Variants in DHX36 observed in about 807,000 individuals in gnomAD.
The protein encoded by DHX36 is DEAH-box helicase 36.
Under a neutral mutation model 139.0 loss-of-function variants are expected in DHX36, and 50 were observed. The observed-to-expected ratio is 0.36, with a 90% CI of 0.29 to 0.46. The LOEUF (loss-of-function observed/expected upper bound fraction) is 0.46. Ranked by LOEUF, DHX36 falls within the 20% of genes least tolerant of loss-of-function variation. The pLI, the probability that DHX36 is intolerant of heterozygous loss-of-function variation, is 1.00. For missense variants in DHX36, 1,024 were observed against 1,211.3 expected (o/e 0.85, Z 2.29); for synonymous variants, 425 against 401.9 (o/e 1.06, Z -0.69).
At chr3:154,295,554 A>G (rs77533470) in intron 12 of DHX36, among the ~76,000 whole-genome samples, 3,568 of 152,310 alleles carry the variant, frequency 0.023, 60 homozygotes, top group Middle Eastern at 0.041. Flanking sequence ...TTCTACATAC[A>G]AACAGACCAA....
In DHX36 at chr3:154,288,773, A is replaced by G. The variant is rs570770741; in HGVS notation, c.2031+93T>C. ...ATTTGGCATTGGACATTATTGGTCT[A>G]CTTTGCAGTAATGAGAGTAAACATT... On this transcript the variant is annotated intron_variant, in intron 17 of 24. Transcript: ENST00000496811. The G allele has an allele frequency of 1.1e-5, 7 of 610,372 alleles. No individual in the cohort carries two copies. The Admixed American group carries it at 1.5e-4, about 14-fold the overall frequency. The allele number at this position is 610,372 out of a possible 1,614,324, so 37.8% of individuals were successfully genotyped here.
intron 16 of DHX36, 100 bp downstream of exon 16, chr3:154,289,606 TTAA>T: frequency 1.4e-6 from 1 of 713,754 alleles, no homozygotes; most frequent in Non-Finnish European, 2.4e-6. Context: ...AAATTGTGAG[TTAA>T]TAATTGTTTC....
rs1576859010 is a variant in DHX36 at position 154,285,876 on chromosome 3, T to C, written c.2032-889A>G. Among the ~76,000 whole-genome samples, 4 of 151,982 alleles carry C rather than the reference T, an allele frequency of 2.6e-5. No individual in the cohort carries two copies. In the South Asian group the frequency reaches 8.3e-4, roughly 32 times the overall value. On this transcript the variant is annotated intron_variant, in intron 17 of 24. Coordinates refer to ENST00000496811, the MANE Select transcript of DHX36 (RefSeq NM_020865.3). ...AAACCCTCAACTTGTTTTCTGAACC[T>C]AGAATAGCTTGATATCTAAATCTTA... is the stretch of plus-strand genomic sequence containing the variant.
At position 154,315,098 on chromosome 3, in the gene DHX36, A is replaced by T; in HGVS notation, c.551T>A (p.Leu184Ter). 4 of 1,612,368 alleles carry T rather than the reference A, an allele frequency of 2.5e-6. No homozygotes were observed. Among genetic ancestry groups the T allele is most frequent in the Non-Finnish European group, 3.4e-6 (4 of 1,179,382 alleles). ...TTTTTTCTTTTGTAAATCTTCCAAT[A>T]ATTTTTGGTCTAAAGTTCCATCTGG... ...NEPDGTLDQK[L>*]LEDLQKKKND... The change falls in exon 3 of 25, where the codon TTA (leucine) becomes TAA (stop). Residue 184 changes from leucine to a stop codon, truncating the protein, a stop_gained. Transcript: ENST00000496811. LOFTEE classifies it high-confidence loss of function.
In DHX36 at chr3:154,295,272, C is replaced by G; in HGVS notation, c.1605+12G>C. The G allele has an allele frequency of 6.6e-7, 1 of 1,508,798 alleles. No homozygotes were observed. The highest frequency in any genetic ancestry group is 9.0e-7 in the Non-Finnish European group (1 of 1,108,528). 93.5% of individuals were successfully genotyped at this position (1,508,798 alleles called of 1,614,324 possible). A position where few individuals can be genotyped will look rare whatever the true frequency, so the allele number is the denominator to read the frequency against. ...TTGAAATACATTTAACAAATGTATC[C>G]ATTTAACATACCTGTGTCTGGTTAA... On this transcript the variant is annotated intron_variant, in intron 13 of 24. Transcript: ENST00000496811.
At chr3:154,293,632 T>C in intron 14 of DHX36, 116 bp downstream of exon 14, 1 of 737,974 alleles carries the variant, frequency 1.4e-6, no homozygotes, top group Admixed American at 2.8e-5. Context: ...AAAAAGGTTT[T>C]ATTTTTAATA....
intron 20 of DHX36, 43 bp downstream of exon 20, chr3:154,283,145 A>T: frequency 7.0e-7 from 1 of 1,430,146 alleles, no homozygotes. Context: ...TATATTCTCT[A>T]ATCTAGCATA....
In DHX36 at chr3:154,315,070, AT is replaced by A; in HGVS notation, c.578del (p.Asn193MetfsTer25). On this transcript the variant is annotated frameshift_variant, in exon 3 of 25. Coordinates refer to ENST00000496811, the MANE Select transcript of DHX36 (RefSeq NM_020865.3). LOFTEE classifies it high-confidence loss of function. ...KLLEDLQKKK[N>X]DLRYIEMQHF... ...CCTGCATTTCAATATACCGAAGGTC[AT>A]TTTTTTTCTTTTGTAAATCTTCCAA... 3 of 1,604,912 alleles carry A rather than the reference AT, an allele frequency of 1.9e-6. No individual in the cohort carries two copies. Among genetic ancestry groups the A allele is most frequent in the Admixed American group, 1.7e-5 (1 of 58,614 alleles).
At chr3:154,298,461 T>C (rs1342204219) in intron 12 of DHX36, among the ~76,000 whole-genome samples, 1 of 152,194 alleles carries the variant, frequency 6.6e-6, no homozygotes, top group Non-Finnish European at 1.5e-5. Context: ...CAGTATTTCT[T>C]TATAGAGAAG....
At chr3:154,305,364 T>C (rs1040040081) in intron 6 of DHX36, 196 bp from the exon 7 acceptor site, 5 of 512,208 alleles carry the variant, frequency 9.8e-6, no homozygotes, top group Non-Finnish European at 1.7e-5. Flanking sequence ...ATTATCTTTG[T>C]TGTCATTGAT....
chr3:154,283,789 T>C (rs1389213205), intron 19 of DHX36, among the ~76,000 whole-genome samples: 2 of 152,246 alleles, frequency 1.3e-5, no homozygotes. Context: ...AAAAACCAAA[T>C]TACATTTAAA....
At chr3:154,301,475 T>C (rs577337014) in intron 9 of DHX36, among the ~76,000 whole-genome samples, 15 of 152,216 alleles carry the variant, frequency 9.9e-5, no homozygotes, top group Non-Finnish European at 1.3e-4. Flanking sequence ...CACGTAAGAA[T>C]TGAATCCCTC....
intron 17 of DHX36, among the ~76,000 whole-genome samples, chr3:154,288,382 T>C (rs768651439): frequency 3.3e-5 from 5 of 151,660 alleles, no homozygotes; most frequent in Non-Finnish European, 7.4e-5. Context: ...CAAGCCATTA[T>C]AGTTAAAGTC....
rs376557871 is a variant in DHX36 at position 154,324,280 on chromosome 3, C to A, written c.137G>T (p.Gly46Val). Residue 46 changes from glycine to valine, a missense_variant, in exon 1 of 25, where the codon GGT (glycine) becomes GTT (valine). Physicochemically the swap from Gly to Val is moderately radical, Grantham distance 109. Coordinates refer to ENST00000496811, the MANE Select transcript of DHX36 (RefSeq NM_020865.3). ...SGGGGGGGGG[G>V]RGGRGRHPGH... ...GGGATGCCGGCCCCTGCCGCCTCGA[C>A]CACCCCCTCCGCCGCCGCCGCCTCC... is the stretch of plus-strand genomic sequence containing the variant. 58 of 1,613,128 alleles carry A rather than the reference C, an allele frequency of 3.6e-5. No homozygotes were observed. Among genetic ancestry groups the A allele is most frequent in the Non-Finnish European group, 5.9e-6 (7 of 1,179,630 alleles).
intron 3 of DHX36, 189 bp downstream of exon 3, chr3:154,314,857 T>C (rs1712901380): frequency 1.8e-6 from 1 of 541,832 alleles, no homozygotes; most frequent in Admixed American, 3.3e-5. Flanking sequence ...TGAGATAGGA[T>C]ACTGTAGGTT....
chr3:154,309,553 C>A, intron 5 of DHX36, 100 bp downstream of exon 5: 1 of 1,085,534 alleles, frequency 9.2e-7, no homozygotes, highest in Non-Finnish European at 1.3e-6. Flanking sequence ...GTCACCAATC[C>A]TAAGCCTAAT....
rs1712256103 is a variant in DHX36 at position 154,301,074 on chromosome 3, T to C, written c.1271A>G (p.Gln424Arg). 2 of 1,612,802 alleles carry C rather than the reference T, an allele frequency of 1.2e-6. No homozygotes were observed. The highest frequency in any genetic ancestry group is 8.5e-7 in the Non-Finnish European group (1 of 1,179,668). ...TTTTTCTTGTCTATTTACATGCCCT[T>C]GCATGAAACCCCTCTTAAACTGGGA... ...HRSQFKRGFM[Q>R]GHVNRQEKEE... Residue 424 changes from glutamine to arginine, a missense_variant, in exon 10 of 25, where the codon CAA becomes CGA. Physicochemically the swap from Gln to Arg is conservative, Grantham distance 43. Transcript: ENST00000496811.
chr3:154,320,241 T>C (rs1713138003), intron 1 of DHX36, among the ~76,000 whole-genome samples: 1 of 152,190 alleles, frequency 6.6e-6, no homozygotes, highest in East Asian at 1.9e-4. Flanking sequence ...TTTGTAACCT[T>C]CTTTTCCTCA....
chr3:154,315,113 G>C lies in DHX36; in HGVS notation c.536C>G (p.Thr179Ser). The C allele has an allele frequency of 6.2e-7, 1 of 1,612,996 alleles. No individual in the cohort carries two copies. Among genetic ancestry groups the C allele is most frequent in the Non-Finnish European group, 8.5e-7 (1 of 1,179,536 alleles). Reference sequence around the variant, plus strand: ...ATCTTCCAATAATTTTTGGTCTAAAGTTCCATCTGGTTCATTTTCTTGCAA... The same window carrying C: ...ATCTTCCAATAATTTTTGGTCTAAACTTCCATCTGGTTCATTTTCTTGCAA... ...YLLQENEPDG[T>S]LDQKLLEDLQ... The change falls in exon 3 of 25, where the codon ACT becomes AGT. Residue 179 changes from threonine to serine, a missense_variant. Thr to Ser is a moderately conservative substitution (Grantham distance 58). Transcript: ENST00000496811.
Sources: gnomAD v4.1 joint callset for allele counts (sites outside exome capture counted in the v4.1 genomes callset) on GRCh38, gnomAD v4.1.1 for gene constraint, MANE v1.5 for transcripts, NCBI Gene and HGNC (gene_info 2026-07-23, HGNC 2026-07-21) for gene names.